DLST: variants seen among roughly 807,000 people sequenced by gnomAD.
DLST encodes the protein dihydrolipoyllysine-residue succinyltransferase component of 2-oxoglutarate dehydrogenase complex, mitochondrial.
DLST carries 17 observed loss-of-function variants against 53.1 expected under a neutral mutation model. That is an observed-to-expected ratio of 0.32 (90% CI 0.22 to 0.48). The LOEUF (loss-of-function observed/expected upper bound fraction) is 0.48, where lower values mean the gene tolerates loss of function less well. DLST is among the 20% of genes least tolerant of loss of function. The pLI, the probability that DLST is intolerant of heterozygous loss-of-function variation, is 0.99. For synonymous variants in DLST, 206 were observed against 204.8 expected (o/e 1.01, Z -0.05); for missense variants, 512 against 583.9 (o/e 0.88, Z 1.27).
In DLST at chr14:74,898,384, G is replaced by A; in HGVS notation, c.786G>A (p.Met262Ile). ...NEIDMSNIQEMRARHKEAFLK... is the reference protein window; with the variant it reads ...NEIDMSNIQEIRARHKEAFLK... ...ATTTTCACAGTAACATCCAGGAGATGAGGGCTCGGCACAAAGAGGCTTTTT... is the reference window on the plus strand; with the variant it reads ...ATTTTCACAGTAACATCCAGGAGATAAGGGCTCGGCACAAAGAGGCTTTTT... Residue 262 changes from methionine (M) to isoleucine (I), a missense_variant, in exon 11 of 15, where the codon ATG becomes ATA. Coordinates refer to ENST00000334220, the MANE Select transcript of DLST (RefSeq NM_001933.5). 1 of 1,612,232 alleles carries A rather than the reference G, an allele frequency of 6.2e-7. No homozygotes were observed. The highest frequency in any genetic ancestry group is 8.5e-7 in the Non-Finnish European group (1 of 1,179,884).
intron 3 of DLST, among the ~76,000 whole-genome samples, chr14:74,886,782 C>G (rs1480420386): frequency 6.6e-6 from 1 of 151,886 alleles, no homozygotes; most frequent in African/African-American, 2.4e-5. Flanking sequence ...TGCTCTGTCA[C>G]CCAGGCTGGA....
At chr14:74,894,284 T>G (rs1330291314) in intron 9 of DLST, 28 bp from the exon 10 acceptor site, 2 of 1,612,930 alleles carry the variant, frequency 1.2e-6, no homozygotes, top group South Asian at 2.2e-5. Context: ...GATCAGATTG[T>G]CAATGCTTGT....
chr14:74,890,468 G>A (rs566110630), intron 6 of DLST, among the ~76,000 whole-genome samples: 20 of 152,174 alleles, frequency 1.3e-4, no homozygotes, highest in Admixed American at 8.5e-4. Flanking sequence ...ACTTCATTTA[G>A]TAGCTTTAGT....
At chr14:74,890,409 C>T (rs188138462) in intron 6 of DLST, among the ~76,000 whole-genome samples, 73 of 152,196 alleles carry the variant, frequency 4.8e-4, no homozygotes, top group Non-Finnish European at 8.8e-4. Flanking sequence ...TGAGCCACCG[C>T]ACCTGACCTG....
rs772669858 is a variant in DLST at position 74,893,347 on chromosome 14, G to C, written c.596-1G>C. On this transcript the variant is annotated splice_acceptor_variant, in intron 8 of 14. Transcript: ENST00000334220. LOFTEE classifies it high-confidence loss of function. The stretch of plus-strand genomic sequence containing the variant: ...CAGCTTTATCCTCTTTTCATTTTCA[G>C]TGTCTGCAGTAAAACCCACTGTTGC... 1 of 1,614,162 alleles carries C rather than the reference G, an allele frequency of 6.2e-7. No homozygotes were observed. The highest frequency in any genetic ancestry group is 8.5e-7 in the Non-Finnish European group (1 of 1,180,038).
At chr14:74,882,430 GT>G (rs1040314144) in intron 1 of DLST, among the ~76,000 whole-genome samples, 160 bp from the exon 2 acceptor site, 1 of 150,022 alleles carries the variant, frequency 6.7e-6, no homozygotes, top group African/African-American at 2.4e-5. Context: ...CAGGCCCAGC[GT>G]GTTGATTGGG....
intron 7 of DLST, 36 bp from the exon 8 acceptor site, chr14:74,892,798 A>C (rs765963142): frequency 2.6e-6 from 4 of 1,551,722 alleles, no homozygotes; most frequent in Non-Finnish European, 3.5e-6. Flanking sequence ...CTCATTTCAG[A>C]CAGTGCCAGT....
chr14:74,898,341 G>T, intron 10 of DLST, 28 bp from the exon 11 acceptor site: 1 of 1,604,414 alleles, frequency 6.2e-7, no homozygotes, highest in Non-Finnish European at 8.5e-7. Flanking sequence ...AGGCTTTGTG[G>T]TCAGTTTGTT....
chr14:74,883,800 T>C (rs1280669968), intron 2 of DLST, among the ~76,000 whole-genome samples: 1 of 152,230 alleles, frequency 6.6e-6, no homozygotes, highest in East Asian at 1.9e-4. Context: ...TCCTGAACTC[T>C]TAACCCACCA....
chr14:74,889,949 C>T lies in DLST; in HGVS notation c.327C>T (p.Asp109=), dbSNP rs759507097. 2.4e-5 allele frequency: 38 copies of T among 1,613,534 alleles called. No individual in the cohort carries two copies. The highest frequency in any genetic ancestry group is 3.1e-5 in the Non-Finnish European group (36 of 1,179,804). Residue 109 remains aspartate (D), a synonymous_variant, in exon 6 of 15, where the codon GAC becomes GAT. Transcript: ENST00000334220. ...AAGTGGTTTGTGAGATTGAAACTGA[C>T]AAGGTAGGCTTATCTTATATTCGTA... ...EDEVVCEIET[D]KTSVQVPSPA...
chr14:74,891,254 C>G, intron 7 of DLST, 87 bp downstream of exon 7: 3 of 1,578,482 alleles, frequency 1.9e-6, no homozygotes, highest in Non-Finnish European at 2.6e-6. Flanking sequence ...CCCGATATGT[C>G]AAAGACTCTT....
Position 74,899,988 on chromosome 14 carries a change from A to AC in DLST, c.971dup (p.Arg325ThrfsTer20). 6.2e-7 allele frequency: 1 copy of AC among 1,613,360 alleles called. No homozygotes were observed. On this transcript the variant is annotated frameshift_variant, in exon 12 of 15. Coordinates refer to ENST00000334220, the MANE Select transcript of DLST (RefSeq NM_001933.5). LOFTEE classifies it high-confidence loss of function. ...TATTGACATCAGTGTTGCAGTGGCC[A>AC]CCCCACGGGTATGTTGGGGCAGGAG...
intron 3 of DLST, among the ~76,000 whole-genome samples, chr14:74,887,986 A>G (rs1883764525): frequency 6.6e-6 from 1 of 152,250 alleles, no homozygotes. Flanking sequence ...GAAAGTCCCC[A>G]TCCAAATCAT....
chr14:74,883,044 C>T (rs1288928152), intron 2 of DLST, among the ~76,000 whole-genome samples: 1 of 152,210 alleles, frequency 6.6e-6, no homozygotes, highest in Admixed American at 6.5e-5. Flanking sequence ...CCTGTAATCC[C>T]AGCACTCTGG....
intron 6 of DLST, 144 bp downstream of exon 6, chr14:74,890,096 TA>T (rs5809682): frequency 9.7e-4 from 423 of 434,166 alleles, no homozygotes; most frequent in Middle Eastern, 1.4e-3. Flanking sequence ...TTGTTCAATT[TA>T]AAAAAAAAAC....
Position 74,898,387 on chromosome 14 carries a change from G to A in DLST, c.789G>A (p.Arg263=), listed in dbSNP as rs1308324691. The change falls in exon 11 of 15, where the codon AGG becomes AGA. Residue 263 remains arginine, a synonymous_variant. Coordinates refer to ENST00000334220, the MANE Select transcript of DLST (RefSeq NM_001933.5). ...EIDMSNIQEM[R]ARHKEAFLKK... is the part of the protein sequence containing the mutation. Reference sequence around the variant, plus strand: ...TTCACAGTAACATCCAGGAGATGAGGGCTCGGCACAAAGAGGCTTTTTTGA... The same window carrying A: ...TTCACAGTAACATCCAGGAGATGAGAGCTCGGCACAAAGAGGCTTTTTTGA... 9 of 1,612,236 alleles carry A rather than the reference G, an allele frequency of 5.6e-6. No homozygotes were observed. Among genetic ancestry groups the A allele is most frequent in the Non-Finnish European group, 6.8e-6 (8 of 1,179,930 alleles).
At chr14:74,888,958 TC>T in intron 3 of DLST, 136 bp from the exon 4 acceptor site, 1 of 832,144 alleles carries the variant, frequency 1.2e-6, no homozygotes, top group Non-Finnish European at 2.0e-6. Flanking sequence ...TTGAAAAAGT[TC>T]CTCCCCAAGT....
At chr14:74,887,343 T>C (rs1387219934) in intron 3 of DLST, among the ~76,000 whole-genome samples, 1 of 152,188 alleles carries the variant, frequency 6.6e-6, no homozygotes, top group Non-Finnish European at 1.5e-5. Context: ...TCAAAATGTA[T>C]TACTCATCTG....
intron 13 of DLST, 96 bp from the exon 14 acceptor site, chr14:74,900,970 C>T (rs1884227128): frequency 7.1e-7 from 1 of 1,405,738 alleles, no homozygotes; most frequent in Non-Finnish European, 9.8e-7. Flanking sequence ...AAGCAGTCCT[C>T]CTGCCTCGGC....
Sources: gnomAD v4.1 joint callset for allele counts (sites outside exome capture counted in the v4.1 genomes callset) on GRCh38, gnomAD v4.1.1 for gene constraint, MANE v1.5 for transcripts, NCBI Gene and HGNC (gene_info 2026-07-23, HGNC 2026-07-21) for gene names.